The following SLC16A7 variants were observed in gnomAD, a reference collection of about 807,000 sequenced individuals.
SLC16A7 encodes solute carrier family 16 member 7.
A neutral mutation model predicts 34.9 loss-of-function variants in SLC16A7; 33 were observed. The ratio of observed to expected loss-of-function variants is 0.94; its 90% confidence interval spans 0.72 to 1.26. The LOEUF (loss-of-function observed/expected upper bound fraction) is 1.26, where lower values mean the gene tolerates loss of function less well. Among genes scored for constraint, SLC16A7 ranks in the 50% most tolerant of loss-of-function variants. The pLI, the probability that SLC16A7 is intolerant of heterozygous loss-of-function variation, is 0.00. For synonymous variants in SLC16A7, 201 were observed against 206.6 expected (o/e 0.97, Z 0.23); for missense variants, 573 against 578.1 (o/e 0.99, Z 0.09).
At chr12:59,764,947 C>T (rs1003224780) in intron 3 of SLC16A7, among the ~76,000 whole-genome samples, 1 of 152,170 alleles carries the variant, frequency 6.6e-6, no homozygotes, top group African/African-American at 2.4e-5. Context: ...ACAGTCCCAC[C>T]AACAGTGTGA....
At chr12:59,681,253 A>G (rs535958415) in intron 2 of SLC16A7, among the ~76,000 whole-genome samples, 1 of 152,314 alleles carries the variant, frequency 6.6e-6, no homozygotes, top group East Asian at 1.9e-4. Context: ...AGGCGAGACA[A>G]GTGTATGTAC....
chr12:59,704,924 C>T lies in SLC16A7; in HGVS notation c.123C>T (p.Thr41=), dbSNP rs745766287. The T allele has an allele frequency of 8.1e-6, 13 of 1,613,334 alleles. No homozygotes were observed. Among genetic ancestry groups the T allele is most frequent in the African/African-American group, 6.7e-5 (5 of 74,844 alleles). ...GFSYAFPKAV[T]VFFKEIQQIF... is the part of the protein sequence containing the mutation. ...CCTATGCATTCCCCAAAGCTGTCAC[C>T]GTATTCTTCAAAGAAATTCAGCAAA... The change falls in exon 3 of 6, where the codon ACC becomes ACT. Residue 41 remains threonine, a synonymous_variant. Transcript: ENST00000547379.
chr12:59,744,572 G>T (rs917437828), intron 3 of SLC16A7, among the ~76,000 whole-genome samples: 3 of 152,084 alleles, frequency 2.0e-5, no homozygotes, highest in African/African-American at 7.2e-5. Flanking sequence ...CAAGAGCTCG[G>T]GTGCCACAGG....
intron 3 of SLC16A7, among the ~76,000 whole-genome samples, chr12:59,758,915 G>A (rs940257730): frequency 4.0e-5 from 6 of 151,878 alleles, no homozygotes; most frequent in African/African-American, 1.4e-4. Context: ...TCCAAGTCTT[G>A]TTGCCATTTT....
chr12:59,650,857 T>G (rs1204618782), intron 1 of SLC16A7, among the ~76,000 whole-genome samples: 1 of 152,186 alleles, frequency 6.6e-6, no homozygotes, highest in Non-Finnish European at 1.5e-5. Flanking sequence ...AAGCACCACA[T>G]CATATTTGTC....
At chr12:59,764,588 T>C (rs189118221) in intron 3 of SLC16A7, among the ~76,000 whole-genome samples, 1 of 151,392 alleles carries the variant, frequency 6.6e-6, no homozygotes, top group African/African-American at 2.4e-5. Context: ...TGGTGTTTGG[T>C]TTTTTGTCCT....
intron 4 of SLC16A7, among the ~76,000 whole-genome samples, chr12:59,774,111 G>A (rs1882500142): frequency 1.3e-5 from 2 of 152,136 alleles, no homozygotes; most frequent in African/African-American, 4.8e-5. Context: ...GACTGTGAGG[G>A]ATGTACAGCA....
chr12:59,704,633 C>T (rs1424098489), intron 2 of SLC16A7, 139 bp from the exon 3 acceptor site: 3 of 516,754 alleles, frequency 5.8e-6, no homozygotes, highest in Non-Finnish European at 1.0e-5. Flanking sequence ...TGGTAATTTT[C>T]TGAGTATAAG....
At chr12:59,691,336 G>A (rs1431026595) in intron 2 of SLC16A7, among the ~76,000 whole-genome samples, 1 of 151,874 alleles carries the variant, frequency 6.6e-6, no homozygotes, top group Non-Finnish European at 1.5e-5. Context: ...TAAAAGAAGA[G>A]GGGGTTCTTG....
At chr12:59,759,034 GAC>G in intron 3 of SLC16A7, among the ~76,000 whole-genome samples, 1 of 151,854 alleles carries the variant, frequency 6.6e-6, no homozygotes. Flanking sequence ...TTTAAGGAAA[GAC>G]ATGTACATTC....
intron 2 of SLC16A7, among the ~76,000 whole-genome samples, chr12:59,684,032 A>T (rs1870954835): frequency 6.6e-6 from 1 of 152,228 alleles, no homozygotes; most frequent in South Asian, 2.1e-4. Flanking sequence ...AGAAAGGCCC[A>T]GTGCAAGAAA....
chr12:59,757,858 C>A (rs1461440546), intron 3 of SLC16A7, among the ~76,000 whole-genome samples: 1 of 152,050 alleles, frequency 6.6e-6, no homozygotes, highest in African/African-American at 2.4e-5. Context: ...TTCTTAATTG[C>A]ATTTTCTTTT....
intron 2 of SLC16A7, among the ~76,000 whole-genome samples, chr12:59,693,015 A>G (rs1217819635): frequency 2.0e-5 from 3 of 152,036 alleles, no homozygotes; most frequent in Non-Finnish European, 4.4e-5. Flanking sequence ...TTTGTATAAA[A>G]AAAGAAAATA....
intron 2 of SLC16A7, among the ~76,000 whole-genome samples, chr12:59,675,413 T>C (rs1870225791): frequency 6.6e-6 from 1 of 152,100 alleles, no homozygotes; most frequent in African/African-American, 2.4e-5. Context: ...GAAGGCTAAG[T>C]GAGCACACAG....
At chr12:59,714,246 C>G (rs1412953275) in intron 3 of SLC16A7, among the ~76,000 whole-genome samples, 1 of 152,104 alleles carries the variant, frequency 6.6e-6, no homozygotes, top group East Asian at 1.9e-4. Context: ...CAGTCTAAAA[C>G]CTACTGGAAA....
At chr12:59,659,492 C>T (rs994447915) in intron 2 of SLC16A7, among the ~76,000 whole-genome samples, 2 of 152,064 alleles carry the variant, frequency 1.3e-5, no homozygotes, top group African/African-American at 4.8e-5. Context: ...CCTTATTTAT[C>T]CTGGCATCCC....
chr12:59,714,721 T>G (rs1371686351), intron 3 of SLC16A7, among the ~76,000 whole-genome samples: 1 of 152,078 alleles, frequency 6.6e-6, no homozygotes, highest in African/African-American at 2.4e-5. Context: ...CCCACCACCA[T>G]GCCCAGCAAA....
At chr12:59,643,190 C>T (rs1412054601) in intron 1 of SLC16A7, among the ~76,000 whole-genome samples, 1 of 152,066 alleles carries the variant, frequency 6.6e-6, no homozygotes, top group African/African-American at 2.4e-5. Flanking sequence ...TCACATTTTA[C>T]AGATGAGGAA....
intron 5 of SLC16A7, among the ~76,000 whole-genome samples, chr12:59,776,575 TAGTC>T (rs1192245106): frequency 6.6e-6 from 1 of 152,204 alleles, no homozygotes; most frequent in Non-Finnish European, 1.5e-5. Context: ...TTCCATTATT[TAGTC>T]AGTTTTTAAA....
Sources: gnomAD v4.1 joint callset for allele counts (sites outside exome capture counted in the v4.1 genomes callset) on GRCh38, gnomAD v4.1.1 for gene constraint, MANE v1.5 for transcripts, NCBI Gene and HGNC (gene_info 2026-07-23, HGNC 2026-07-21) for gene names.